CFAP251: variants seen among roughly 807,000 people sequenced by gnomAD.
The protein encoded by CFAP251 is cilia and flagella associated protein 251, also known as cilia- and flagella-associated protein 251.
CFAP251 carries 93 observed loss-of-function variants against 126.7 expected under a neutral mutation model. The ratio of observed to expected loss-of-function variants is 0.73; its 90% CI spans 0.62 to 0.87. CFAP251 has a LOEUF of 0.87. CFAP251 is among the 40% of genes least tolerant of loss of function. The probability of loss-of-function intolerance (pLI) is 0.00; values close to 1 mark genes in which losing one functional copy is unlikely to be tolerated. For synonymous variants in CFAP251, 503 were observed against 506.9 expected (o/e 0.99, Z 0.10); for missense variants, 1,287 against 1,389.2 (o/e 0.93, Z 1.17).
chr12:121,980,185 CCTT>C (rs1436289920), intron 19 of CFAP251, among the ~76,000 whole-genome samples: 1 of 152,172 alleles, frequency 6.6e-6, no homozygotes, highest in Non-Finnish European at 1.5e-5. Context: ...TGGGCACTCT[CCTT>C]CTTGGAGTGT....
chr12:121,977,186 G>A (rs1341120887), intron 19 of CFAP251, among the ~76,000 whole-genome samples: 3 of 152,140 alleles, frequency 2.0e-5, no homozygotes, highest in Admixed American at 2.0e-4. Context: ...GCATGCGGCT[G>A]TACTGCATAT....
chr12:121,967,563 G>A (rs889441957), intron 16 of CFAP251, among the ~76,000 whole-genome samples: 10 of 152,258 alleles, frequency 6.6e-5, no homozygotes, highest in South Asian at 4.1e-4. Context: ...TGAGCCGGGC[G>A]TGGTGGTGGG....
chr12:121,960,584 G>A lies in CFAP251; in HGVS notation c.2134-1G>A. 2 of 1,614,096 alleles carry A rather than the reference G, an allele frequency of 1.2e-6. No individual in the cohort carries two copies. The highest frequency in any genetic ancestry group is 1.7e-6 in the Non-Finnish European group (2 of 1,179,992). On this transcript the variant is annotated splice_acceptor_variant, in intron 13 of 21. Coordinates refer to ENST00000288912, the MANE Select transcript of CFAP251 (RefSeq NM_144668.6). LOFTEE classifies it high-confidence loss of function. ...ACTCCTTCTCTTTTGCTCATCTTCAGGATAGAAGTTTTACTGTGGCTGTTT... is the reference window on the plus strand; with the variant it reads ...ACTCCTTCTCTTTTGCTCATCTTCAAGATAGAAGTTTTACTGTGGCTGTTT...
intron 20 of CFAP251, 27 bp from the exon 21 acceptor site, chr12:122,001,470 A>G: frequency 2.5e-6 from 4 of 1,584,948 alleles, no homozygotes; most frequent in Non-Finnish European, 2.6e-6. Context: ...GAGTTAAACA[A>G]TCACCTTCTC....
intron 16 of CFAP251, 86 bp from the exon 17 acceptor site, chr12:121,967,920 G>C (rs1882202206): frequency 8.0e-7 from 1 of 1,248,670 alleles, no homozygotes. Flanking sequence ...CTGGCACACA[G>C]ATCTGGAGGT....
intron 2 of CFAP251, among the ~76,000 whole-genome samples, chr12:121,922,939 G>A (rs533758646): frequency 5.3e-5 from 8 of 151,438 alleles, no homozygotes; most frequent in South Asian, 2.1e-4. Flanking sequence ...ACAGGCGCCC[G>A]CCACCACGCC....
chr12:121,987,774 G>C (rs895435063), intron 19 of CFAP251, among the ~76,000 whole-genome samples: 50 of 151,250 alleles, frequency 3.3e-4, no homozygotes, highest in Middle Eastern at 3.2e-3. Context: ...TTCTGGGAAA[G>C]TGAGGCCTAG....
chr12:121,952,422 A>T lies in CFAP251; in HGVS notation c.1320+892A>T, dbSNP rs557168305. ...GCAACAGAACAAGACCCTGTATATA[A>T]AAAAAAAAAAAATGAATGAAACAGT... On this transcript the variant is annotated intron_variant, in intron 9 of 21. Transcript: ENST00000288912. Among the ~76,000 whole-genome samples, 222 of 128,082 alleles carry T rather than the reference A, an allele frequency of 1.7e-3. 2 individuals are homozygous for T. The highest frequency in any genetic ancestry group is 0.013 in the South Asian group (47 of 3,534). The allele number at this position is 128,082 out of a possible 152,430, so 84.0% of individuals were successfully genotyped here. A position where few individuals can be genotyped will look rare whatever the true frequency, so the allele number is the denominator to read the frequency against.
In CFAP251 at chr12:121,928,682, ATATATACG is replaced by A. The variant is rs1565902747; in HGVS notation, c.748-3057_748-3050del. Among the ~76,000 whole-genome samples, 43 of 41,808 alleles carry A rather than the reference ATATATACG, an allele frequency of 1.0e-3. 5 individuals carry two copies. In the East Asian group the frequency reaches 0.016, roughly 16 times the overall value. The allele number at this position is 41,808 out of a possible 152,430, so 27.4% of individuals were successfully genotyped here. A position where few individuals can be genotyped will look rare whatever the true frequency, so the allele number is the denominator to read the frequency against. On this transcript the variant is annotated intron_variant, in intron 3 of 21. Coordinates refer to ENST00000288912, the MANE Select transcript of CFAP251 (RefSeq NM_144668.6). ...CGTATATATATACGTATATATATATATATATACGTATATATATATATATTTTTTTTTTG... is the reference window on the plus strand; with the variant it reads ...CGTATATATATACGTATATATATATATATATATATATATATTTTTTTTTTG...
chr12:121,921,547 C>T lies in CFAP251; in HGVS notation c.242C>T (p.Ala81Val). The T allele has an allele frequency of 1.2e-6, 2 of 1,613,564 alleles. No individual in the cohort carries two copies. Residue 81 changes from alanine (A) to valine (V), a missense_variant, in exon 2 of 22, where the codon GCT (alanine) becomes GTT (valine). Coordinates refer to ENST00000288912, the MANE Select transcript of CFAP251 (RefSeq NM_144668.6). ...KIVMEETEEK[A>V]GEVQEKEASG... ...GTCATGGAAGAAACTGAGGAAAAGG[C>T]TGGAGAAGTCCAAGAGAAGGAGGCT...
rs1881904903 is a variant in CFAP251 at position 121,960,767 on chromosome 12, T to C, written c.2307+9T>C. ...GGACAGACAGGCTCTTGGTGAGCTG[T>C]TTAGTTTTCGTTGACCTGGTCGCCA... is the stretch of plus-strand genomic sequence containing the variant. On this transcript the variant is annotated intron_variant, in intron 14 of 21. Coordinates refer to ENST00000288912, the MANE Select transcript of CFAP251 (RefSeq NM_144668.6). 1 of 1,612,118 alleles carries C rather than the reference T, an allele frequency of 6.2e-7. No homozygotes were observed. The highest frequency in any genetic ancestry group is 8.5e-7 in the Non-Finnish European group (1 of 1,179,466).
At chr12:121,942,751 T>G (rs184602153) in intron 6 of CFAP251, 106 bp downstream of exon 6, 1 of 1,242,920 alleles carries the variant, frequency 8.0e-7, no homozygotes, top group African/African-American at 1.5e-5. Context: ...GTCTGTGATA[T>G]TCTCAAAAGA....
At chr12:121,924,129 TAAGACAG>T in intron 3 of CFAP251, 139 bp downstream of exon 3, 1 of 1,150,306 alleles carries the variant, frequency 8.7e-7, no homozygotes, top group Non-Finnish European at 1.2e-6. Flanking sequence ...TTTTTTTTTT[TAAGACAG>T]TCTTGCTTTG....
chr12:121,920,166 A>G (rs988265619), intron 1 of CFAP251, among the ~76,000 whole-genome samples: 1 of 150,570 alleles, frequency 6.6e-6, no homozygotes, highest in African/African-American at 2.4e-5. Context: ...CCTGGGCAAC[A>G]AGAACAAAAC....
At position 121,962,138 on chromosome 12, in the gene CFAP251, T is replaced by A. The variant is rs1370016080; in HGVS notation, c.2468T>A (p.Phe823Tyr). Reference sequence around the variant, plus strand: ...AACAGTGGCTACAAAGTGAAGCTTTTTAATGCTACTACCAAAATGTGCAGG... The same window carrying A: ...AACAGTGGCTACAAAGTGAAGCTTTATAATGCTACTACCAAAATGTGCAGG... ...ICNSGYKVKL[F>Y]NATTKMCRKT... The change falls in exon 15 of 22, where the codon TTT (phenylalanine) becomes TAT (tyrosine). Residue 823 changes from phenylalanine (F) to tyrosine (Y), a missense_variant. By Grantham distance (22) the Phe-to-Tyr change is conservative. Transcript: ENST00000288912. 1 of 1,613,556 alleles carries A rather than the reference T, an allele frequency of 6.2e-7. No homozygotes were observed. The highest frequency in any genetic ancestry group is 1.1e-5 in the South Asian group (1 of 91,044).
intron 5 of CFAP251, among the ~76,000 whole-genome samples, chr12:121,934,862 G>A (rs772180455): frequency 6.6e-5 from 10 of 152,178 alleles, no homozygotes; most frequent in South Asian, 2.1e-4. Context: ...GCTGGAGTGC[G>A]TTGGCGCAAT....
intron 7 of CFAP251, 77 bp downstream of exon 7, chr12:121,943,052 A>G (rs889027536): frequency 1.6e-5 from 24 of 1,491,322 alleles, no homozygotes; most frequent in Middle Eastern, 3.6e-4. Flanking sequence ...GGTGGCTCAC[A>G]CCTGTAATCC....
At chr12:121,960,217 A>G (rs830126) in intron 13 of CFAP251, among the ~76,000 whole-genome samples, 133,599 of 152,170 alleles carry the variant, frequency 0.88, 58,810 homozygotes, top group African/African-American at 0.94. Flanking sequence ...TATTTTTGAA[A>G]AAAATATTCT....
At chr12:121,930,479 C>A (rs977645968) in intron 3 of CFAP251, among the ~76,000 whole-genome samples, 2 of 86,520 alleles carry the variant, frequency 2.3e-5, no homozygotes, top group Non-Finnish European at 5.9e-5. Flanking sequence ...GAGTGAGACT[C>A]TGTTCCCTCC....
Sources: allele counts gnomAD v4.1 joint callset (sites outside exome capture counted in the v4.1 genomes callset), GRCh38; gene constraint gnomAD v4.1.1; transcripts MANE v1.5; gene names NCBI Gene and HGNC (gene_info 2026-07-23, HGNC 2026-07-21).